Variants in KCNH5 observed in about 807,000 individuals in gnomAD.
KCNH5 encodes voltage-gated delayed rectifier potassium channel KCNH5.
A neutral mutation model predicts 96.1 loss-of-function variants in KCNH5; 46 were observed. The ratio of observed to expected loss-of-function variants is 0.48; its 90% CI spans 0.38 to 0.61. KCNH5 has a LOEUF of 0.61. Among genes scored for constraint, KCNH5 ranks in the 20% least tolerant of loss-of-function variants. The pLI is 0.00. For missense variants in KCNH5, 907 were observed against 1,225.8 expected (o/e 0.74, Z 3.88); for synonymous variants, 439 against 449.8 (o/e 0.98, Z 0.30).
intron 8 of KCNH5, among the ~76,000 whole-genome samples, chr14:62,823,785 CTAT>C (rs1214986748): frequency 2.0e-5 from 3 of 151,928 alleles, no homozygotes; most frequent in Non-Finnish European, 4.4e-5. Flanking sequence ...TCTAGAATTA[CTAT>C]TATATTTCTC....
chr14:62,953,001 A>G (rs1890035812), intron 6 of KCNH5, among the ~76,000 whole-genome samples: 1 of 152,062 alleles, frequency 6.6e-6, no homozygotes, highest in African/African-American at 2.4e-5. Context: ...TATATAAAGT[A>G]TATATAAAAT....
chr14:62,804,647 C>T (rs1168467586), intron 8 of KCNH5, among the ~76,000 whole-genome samples: 1 of 152,140 alleles, frequency 6.6e-6, no homozygotes, highest in Admixed American at 6.6e-5. Context: ...CTCAAGAGGA[C>T]GTAAGTCTGG....
At chr14:63,015,791 A>G (rs1437023271) in intron 2 of KCNH5, among the ~76,000 whole-genome samples, 1 of 151,878 alleles carries the variant, frequency 6.6e-6, no homozygotes, top group Non-Finnish European at 1.5e-5. Flanking sequence ...TGAATATCAT[A>G]TTTTTGATCT....
intron 7 of KCNH5, among the ~76,000 whole-genome samples, chr14:62,898,507 T>G (rs538444466): frequency 6.6e-5 from 10 of 152,292 alleles, no homozygotes; most frequent in African/African-American, 2.4e-4. Flanking sequence ...GACATGAATT[T>G]AAATGTATTG....
intron 1 of KCNH5, among the ~76,000 whole-genome samples, chr14:63,035,357 CAA>C (rs1030119843): frequency 1.8e-4 from 27 of 152,150 alleles, no homozygotes; most frequent in African/African-American, 6.5e-4. Flanking sequence ...TAGAAAAACA[CAA>C]AGAGGCTTTT....
rs74625072 is a variant in KCNH5 at position 63,013,552 on chromosome 14, G to A, written c.197+3279C>T. Among the ~76,000 whole-genome samples, 2,033 of 151,876 alleles carry A rather than the reference G, an allele frequency of 0.013. 90 individuals are homozygous for A. The East Asian group carries it at 0.14, about 11-fold the overall frequency. On this transcript the variant is annotated intron_variant, in intron 2 of 10. Coordinates refer to ENST00000322893, the MANE Select transcript of KCNH5 (RefSeq NM_139318.5). ...ATAATAACTTTTAGCCATCAACCCCGTGTTTCTAAATGTGCACCTCATTTT... is the reference window on the plus strand; with the variant it reads ...ATAATAACTTTTAGCCATCAACCCCATGTTTCTAAATGTGCACCTCATTTT...
chr14:63,016,140 A>G (rs1190001522), intron 2 of KCNH5, among the ~76,000 whole-genome samples: 1 of 151,788 alleles, frequency 6.6e-6, no homozygotes, highest in East Asian at 1.9e-4. Flanking sequence ...TTAAAGAAAA[A>G]TTAACTCACG....
intron 7 of KCNH5, among the ~76,000 whole-genome samples, chr14:62,884,499 G>A (rs780468850): frequency 7.9e-4 from 120 of 152,222 alleles, no homozygotes; most frequent in African/African-American, 2.7e-3. Context: ...GGCAGTATGC[G>A]CCTGTCATCT....
At chr14:62,790,120 G>A (rs1461182003) in intron 9 of KCNH5, among the ~76,000 whole-genome samples, 2 of 139,306 alleles carry the variant, frequency 1.4e-5, no homozygotes, top group South Asian at 6.0e-4. Flanking sequence ...CCTTTTGCAT[G>A]TGGAAATCCA....
In KCNH5 at chr14:62,702,770, G is replaced by T. The variant is rs1422713667; in HGVS notation, c.*4738C>A. 5 of 151,840 alleles carry T rather than the reference G, an allele frequency of 3.3e-5. No homozygotes were observed. In the South Asian group the frequency reaches 8.3e-4, roughly 25 times the overall value. 9.4% of individuals were successfully genotyped at this position (151,840 alleles called of 1,614,324 possible). The stretch of plus-strand genomic sequence containing the variant: ...CCTCATAAAGAATGCAAACACAGGG[G>T]TCTTATCCTACAAATGAAGTGATAG... On this transcript the variant is annotated 3_prime_UTR_variant, in exon 11 of 11. Transcript: ENST00000322893.
Position 62,708,421 on chromosome 14 carries a change from T to C in KCNH5, c.2054A>G (p.Glu685Gly), listed in dbSNP as rs1213127354. The C allele has an allele frequency of 2.5e-6, 4 of 1,606,664 alleles. No homozygotes were observed. The highest frequency in any genetic ancestry group is 3.4e-6 in the Non-Finnish European group (4 of 1,178,708). The change falls in exon 11 of 11, where the codon GAG becomes GGG. Residue 685 changes from glutamate to glycine, a missense_variant. Physicochemically the swap from Glu to Gly is moderately conservative, Grantham distance 98. Coordinates refer to ENST00000322893, the MANE Select transcript of KCNH5 (RefSeq NM_139318.5). ...CTTCTGCCGGAGGCGCTCCTCCTCC[T>C]CTTTCTTCACATCACTGATCTTACG... ...IFRKISDVKK[E>G]EEERLRQKNE...
At chr14:62,975,438 G>A (rs1004816665) in intron 6 of KCNH5, among the ~76,000 whole-genome samples, 10 of 152,008 alleles carry the variant, frequency 6.6e-5, no homozygotes, top group East Asian at 1.9e-4. Flanking sequence ...GCCGATAAAC[G>A]TGTGGATAAA....
At chr14:62,985,049 T>C (rs1427234900) in intron 5 of KCNH5, among the ~76,000 whole-genome samples, 1 of 152,146 alleles carries the variant, frequency 6.6e-6, no homozygotes, top group Non-Finnish European at 1.5e-5. Context: ...ACATTTCAGC[T>C]TGATTTGCAG....
intron 6 of KCNH5, among the ~76,000 whole-genome samples, chr14:62,957,735 T>TAGGCTTTGGGGGA (rs1566721708): frequency 1.3e-5 from 2 of 152,206 alleles, no homozygotes; most frequent in Non-Finnish European, 2.9e-5. Flanking sequence ...CAAGACTCAC[T>TAGGCTTTGGGGGA]AGGCTTTGGG....
intron 9 of KCNH5, among the ~76,000 whole-genome samples, chr14:62,797,902 A>C (rs529334375): frequency 5.3e-4 from 80 of 152,102 alleles, no homozygotes; most frequent in African/African-American, 1.9e-3. Flanking sequence ...TTTTTAGTAG[A>C]GATGGGGTTT....
At chr14:62,732,260 T>A (rs1209230769) in intron 10 of KCNH5, among the ~76,000 whole-genome samples, 5 of 152,184 alleles carry the variant, frequency 3.3e-5, no homozygotes, top group Non-Finnish European at 7.4e-5. Flanking sequence ...ACCTATAGAA[T>A]GAACACAACC....
chr14:62,934,346 T>C (rs1199295732), intron 7 of KCNH5, among the ~76,000 whole-genome samples: 1 of 152,194 alleles, frequency 6.6e-6, no homozygotes, highest in African/African-American at 2.4e-5. Context: ...GTGCTTCTCA[T>C]CTAACTTGAA....
In KCNH5 at chr14:62,773,294, G is replaced by C. The variant is rs926726802; in HGVS notation, c.2019+6434C>G. ...TTGGTGATATACAAGACGCATCCTT[G>C]TTCTAGATTATTTCTCTATTTGAAA... On this transcript the variant is annotated intron_variant, in intron 10 of 10. Transcript: ENST00000322893. Among the ~76,000 whole-genome samples the C allele has an allele frequency of 5.3e-5, 8 of 152,274 alleles. No homozygotes were observed. In the East Asian group the frequency reaches 1.5e-3, roughly 29 times the overall value.
At chr14:62,968,852 T>G (rs377455411) in intron 6 of KCNH5, among the ~76,000 whole-genome samples, 5 of 152,216 alleles carry the variant, frequency 3.3e-5, no homozygotes, top group Admixed American at 2.0e-4. Flanking sequence ...ATTAGCTCTC[T>G]AAAGATCTTT....
Sources: allele counts gnomAD v4.1 joint callset (sites outside exome capture counted in the v4.1 genomes callset), GRCh38; gene constraint gnomAD v4.1.1; transcripts MANE v1.5; gene names NCBI Gene and HGNC (gene_info 2026-07-23, HGNC 2026-07-21).